Variants in LCLAT1 observed in about 807,000 individuals in gnomAD.
LCLAT1 encodes lysocardiolipin acyltransferase 1, also known as 1-AGP acyltransferase 8.
A neutral mutation model predicts 30.7 loss-of-function variants in LCLAT1; 11 were observed. That is an observed-to-expected ratio of 0.36 (90% CI 0.23 to 0.59). The LOEUF (loss-of-function observed/expected upper bound fraction) is 0.59. Among genes scored for constraint, LCLAT1 ranks in the 20% least tolerant of loss-of-function variants. The pLI is 0.77. For synonymous variants in LCLAT1, 155 were observed against 151.3 expected, an observed-to-expected ratio of 1.02 and a Z score of -0.18; for missense variants, 402 against 458.6, an observed-to-expected ratio of 0.88 and a Z score of 1.13.
intron 5 of LCLAT1, among the ~76,000 whole-genome samples, chr2:30,586,910 G>A (rs925234668): frequency 2.0e-5 from 3 of 151,934 alleles, no homozygotes; most frequent in African/African-American, 7.3e-5. Context: ...CCTACTCCAA[G>A]CTTCTACACT....
At chr2:30,575,540 GAGATTTATGGCAGTGCC>G (rs1252010394) in intron 5 of LCLAT1, among the ~76,000 whole-genome samples, 3 of 152,126 alleles carry the variant, frequency 2.0e-5, no homozygotes, top group Non-Finnish European at 2.9e-5. Flanking sequence ...CAACAGAGAT[GAGATTTATGGCAGTGCC>G]AGAGGGCCAC....
intron 1 of LCLAT1, among the ~76,000 whole-genome samples, chr2:30,452,680 A>G (rs1365102249): frequency 6.6e-6 from 1 of 152,198 alleles, no homozygotes; most frequent in Non-Finnish European, 1.5e-5. Flanking sequence ...TCTTTGTTAA[A>G]GAGAAATGGC....
intron 5 of LCLAT1, among the ~76,000 whole-genome samples, chr2:30,616,743 A>G (rs914888808): frequency 6.6e-6 from 1 of 152,162 alleles, no homozygotes; most frequent in Admixed American, 6.6e-5. Context: ...AGGAAAGGAA[A>G]AAGGATGCAA....
chr2:30,502,114 T>G (rs1201952778), intron 1 of LCLAT1, among the ~76,000 whole-genome samples: 2 of 152,246 alleles, frequency 1.3e-5, no homozygotes, highest in Non-Finnish European at 2.9e-5. Context: ...AGTCTCACTA[T>G]GCAGGGACAG....
intron 4 of LCLAT1, among the ~76,000 whole-genome samples, chr2:30,563,375 A>G (rs1665330448): frequency 6.6e-6 from 1 of 152,228 alleles, no homozygotes; most frequent in African/African-American, 2.4e-5. Flanking sequence ...AATAAGATGG[A>G]TAAAAGCAGA....
intron 5 of LCLAT1, among the ~76,000 whole-genome samples, chr2:30,631,107 C>T (rs929592155): frequency 2.6e-5 from 4 of 152,208 alleles, no homozygotes; most frequent in Non-Finnish European, 5.9e-5. Flanking sequence ...ACAGCCACAA[C>T]TTTAGCAATA....
intron 1 of LCLAT1, among the ~76,000 whole-genome samples, chr2:30,478,458 A>G (rs1440063416): frequency 6.6e-6 from 1 of 152,214 alleles, no homozygotes; most frequent in Non-Finnish European, 1.5e-5. Context: ...AATCTGGGAA[A>G]CAAAATTTTA....
chr2:30,483,055 A>C (rs962599551), intron 1 of LCLAT1, among the ~76,000 whole-genome samples: 4 of 152,224 alleles, frequency 2.6e-5, no homozygotes, highest in African/African-American at 9.6e-5. Flanking sequence ...AGCAAATTTA[A>C]ATAAATTTGG....
chr2:30,543,189 G>T (rs1356433243), intron 3 of LCLAT1, among the ~76,000 whole-genome samples: 2 of 151,630 alleles, frequency 1.3e-5, no homozygotes, highest in Non-Finnish European at 2.9e-5. Flanking sequence ...TGTCAAATTT[G>T]GTTTTAATGC....
chr2:30,525,796 G>A, intron 2 of LCLAT1, 41 bp downstream of exon 2: 1 of 1,585,296 alleles, frequency 6.3e-7, no homozygotes. Context: ...TTGTACTAGA[G>A]TGCTCCCCAC....
chr2:30,447,975 A>C (rs1312310758), intron 1 of LCLAT1, among the ~76,000 whole-genome samples: 1 of 151,218 alleles, frequency 6.6e-6, no homozygotes, highest in Non-Finnish European at 1.5e-5. Context: ...GGCGGATGCC[A>C]AACCTGATCT....
At chr2:30,554,713 GA>G (rs1382983168) in intron 3 of LCLAT1, among the ~76,000 whole-genome samples, 3 of 152,142 alleles carry the variant, frequency 2.0e-5, no homozygotes, top group Non-Finnish European at 4.4e-5. Context: ...TGGCTGCTAT[GA>G]AAAAGACCAT....
chr2:30,455,754 T>A (rs753267331), intron 1 of LCLAT1, among the ~76,000 whole-genome samples: 3 of 151,410 alleles, frequency 2.0e-5, no homozygotes, highest in Non-Finnish European at 4.4e-5. Context: ...AAAAAAAAAT[T>A]AAAAAGTTAG....
intron 3 of LCLAT1, among the ~76,000 whole-genome samples, chr2:30,560,058 C>T (rs963001083): frequency 1.3e-5 from 2 of 152,154 alleles, no homozygotes; most frequent in African/African-American, 4.8e-5. Context: ...TACTTACACA[C>T]ACTGCTCTGT....
At chr2:30,477,702 A>T (rs940123368) in intron 1 of LCLAT1, among the ~76,000 whole-genome samples, 13 of 152,180 alleles carry the variant, frequency 8.5e-5, no homozygotes, top group Non-Finnish European at 2.9e-5. Flanking sequence ...GGAATGTGAG[A>T]AGAAATTAAA....
At chr2:30,604,660 C>CAAAAAAAAAAAAAAAAAAAAAAAAAA (rs71405526) in intron 5 of LCLAT1, among the ~76,000 whole-genome samples, 1 of 95,876 alleles carries the variant, frequency 1.0e-5, no homozygotes, top group African/African-American at 3.9e-5. Flanking sequence ...GACTCCGTCT[C>CAAAAAAAAAAAAAAAAAAAAAAAAAA]AAAAAAAAAA....
intron 3 of LCLAT1, among the ~76,000 whole-genome samples, chr2:30,546,821 T>C (rs567048691): frequency 8.5e-5 from 13 of 152,256 alleles, no homozygotes; most frequent in African/African-American, 3.1e-4. Context: ...AACAAAGTCA[T>C]GAATATTTTT....
chr2:30,483,125 A>G (rs967336899), intron 1 of LCLAT1, among the ~76,000 whole-genome samples: 3 of 152,202 alleles, frequency 2.0e-5, no homozygotes, highest in African/African-American at 7.2e-5. Flanking sequence ...ATCTACTAAC[A>G]TAAGACATTA....
Position 30,563,648 on chromosome 2 carries a change from T to C in LCLAT1, c.511+1356T>C, listed in dbSNP as rs1227542856. Among the ~76,000 whole-genome samples the C allele has an allele frequency of 2.0e-5, 3 of 152,180 alleles. No individual in the cohort carries two copies. The East Asian group carries it at 5.8e-4, about 29-fold the overall frequency. On this transcript the variant is annotated intron_variant, in intron 4 of 5. Coordinates refer to ENST00000379509, the MANE Select transcript of LCLAT1 (RefSeq NM_001002257.3). ...GTAGAACATGAACTTAACTTTCAAA[T>C]TTTTGGTAATAGACTAAGAAGGGCA...
Sources: gnomAD v4.1 joint callset for allele counts (sites outside exome capture counted in the v4.1 genomes callset) on GRCh38, gnomAD v4.1.1 for gene constraint, MANE v1.5 for transcripts, NCBI Gene and HGNC (gene_info 2026-07-23, HGNC 2026-07-21) for gene names.